SLC6A2: variants seen among roughly 807,000 people sequenced by gnomAD.
The protein encoded by SLC6A2 is sodium-dependent noradrenaline transporter.
In SLC6A2, 26 loss-of-function variants were observed where a neutral mutation model predicts 71.7. The ratio of observed to expected loss-of-function variants is 0.36; its 90% CI spans 0.27 to 0.50. The LOEUF is 0.50. SLC6A2 is among the 20% of genes least tolerant of loss of function. SLC6A2 has a pLI of 0.96. For synonymous variants in SLC6A2, 363 were observed against 337.9 expected, an observed-to-expected ratio of 1.07 and a Z score of -0.82; for missense variants, 581 against 803.9, an observed-to-expected ratio of 0.72 and a Z score of 3.35.
chr16:55,669,176 T>C (rs1247435784), intron 2 of SLC6A2, among the ~76,000 whole-genome samples: 2 of 152,194 alleles, frequency 1.3e-5, no homozygotes, highest in Non-Finnish European at 2.9e-5. Flanking sequence ...TTGGGTTAGA[T>C]TGGCATTCCC....
chr16:55,695,015 T>C (rs1329846455), intron 7 of SLC6A2, among the ~76,000 whole-genome samples: 1 of 152,104 alleles, frequency 6.6e-6, no homozygotes, highest in Non-Finnish European at 1.5e-5. Flanking sequence ...GGAGCAGCCA[T>C]GGAAGGTTTG....
At chr16:55,694,281 C>G (rs1218644411) in intron 7 of SLC6A2, among the ~76,000 whole-genome samples, 168 bp downstream of exon 7, 5 of 152,098 alleles carry the variant, frequency 3.3e-5, no homozygotes, top group Non-Finnish European at 7.4e-5. Context: ...CTCTGAGGGT[C>G]CTGATGACCA....
rs13334495 is a variant in SLC6A2 at position 55,692,834 on chromosome 16, C to T, written c.918+782C>T. Among the ~76,000 whole-genome samples the T allele has an allele frequency of 9.8e-3, 1,491 of 152,282 alleles. 24 individuals carry two copies. Among genetic ancestry groups the T allele is most frequent in the African/African-American group, 0.034 (1,420 of 41,558 alleles). ...AATATACATCTCCATAGTTGTAATG[C>T]TCCAACACACTGCAATGTTATAGAC... On this transcript the variant is annotated intron_variant, in intron 6 of 14. Transcript: ENST00000568943.
chr16:55,694,157 A>T (rs777623281), intron 7 of SLC6A2, 44 bp downstream of exon 7: 1 of 1,359,680 alleles, frequency 7.4e-7, no homozygotes, highest in South Asian at 1.2e-5. Context: ...AATCCTGGGG[A>T]TTGACTCTTG....
At position 55,696,337 on chromosome 16, in the gene SLC6A2, A is replaced by G. The variant is rs762381614; in HGVS notation, c.1260A>G (p.Ser420=). The part of the protein sequence containing the change: ...VMLLALGLDS[S]MGGMEAVITG... ...TCCTGGCGCTGGGCCTTGACAGCTCAGTGAGTGACCCTGCTTAGGATACCT... is the reference window on the plus strand; with the variant it reads ...TCCTGGCGCTGGGCCTTGACAGCTCGGTGAGTGACCCTGCTTAGGATACCT... Residue 420 remains serine, a splice_region_variant and synonymous_variant, in exon 9 of 15, where the codon TCA becomes TCG. Transcript: ENST00000568943. The G allele has an allele frequency of 6.3e-7, 1 of 1,575,320 alleles. No homozygotes were observed. Among genetic ancestry groups the G allele is most frequent in the South Asian group, 1.1e-5 (1 of 90,282 alleles).
In SLC6A2 at chr16:55,705,528, G is replaced by A. The variant is rs1271362586; in HGVS notation, c.*3182G>A. 1 of 394,204 alleles carries A rather than the reference G, an allele frequency of 2.5e-6. No individual in the cohort carries two copies. The highest frequency in any genetic ancestry group is 7.5e-5 in the South Asian group (1 of 13,334). The allele number at this position is 394,204 out of a possible 1,614,324, so 24.4% of individuals were successfully genotyped here. A position where few individuals can be genotyped will look rare whatever the true frequency, so the allele number is the denominator to read the frequency against. On this transcript the variant is annotated 3_prime_UTR_variant, in exon 15 of 15. Transcript: ENST00000568943. ...GCACAGCATATAGTTTTACAGACTT[G>A]GGTCTGCAGCTGACTAGCTGGGTGG...
intron 5 of SLC6A2, 137 bp from the exon 6 acceptor site, chr16:55,691,781 C>A: frequency 1.0e-6 from 1 of 1,004,924 alleles, no homozygotes; most frequent in Non-Finnish European, 1.5e-6. Flanking sequence ...AGAGCTGGAA[C>A]TTGTAGCATG....
In SLC6A2 at chr16:55,700,249, C is replaced by T. The variant is rs376748012; in HGVS notation, c.1701C>T (p.Val567=). Residue 567 remains valine, a synonymous_variant, in exon 13 of 15, where the codon GTC becomes GTT. Transcript: ENST00000568943. ...VGWGIALSSM[V]LVPIYVIYKF... ...GGGGCATCGCCCTGTCCTCCATGGT[C>T]CTGGTGCCCATCTACGTCATCTATA... The T allele has an allele frequency of 1.9e-5, 30 of 1,613,984 alleles. No homozygotes were observed. The highest frequency in any genetic ancestry group is 3.3e-5 in the Admixed American group (2 of 60,002).
intron 2 of SLC6A2, among the ~76,000 whole-genome samples, chr16:55,662,719 A>T (rs1964642386): frequency 6.6e-6 from 1 of 152,194 alleles, no homozygotes; most frequent in African/African-American, 2.4e-5. Context: ...CCACATGAGG[A>T]GGGGTAGCCC....
intron 4 of SLC6A2, among the ~76,000 whole-genome samples, chr16:55,684,300 C>A (rs78919662): frequency 2.7e-3 from 365 of 132,878 alleles, no homozygotes; most frequent in South Asian, 3.6e-3. Flanking sequence ...GAGCCTGTCT[C>A]AAAAAAAAAA....
At chr16:55,701,095 C>T (rs975970966) in intron 13 of SLC6A2, among the ~76,000 whole-genome samples, 5 of 152,080 alleles carry the variant, frequency 3.3e-5, no homozygotes, top group East Asian at 1.9e-4. Flanking sequence ...GGGTAGTATT[C>T]GAGGCACTAG....
At chr16:55,671,517 G>A (rs1160403996) in intron 3 of SLC6A2, among the ~76,000 whole-genome samples, 1 of 152,172 alleles carries the variant, frequency 6.6e-6, no homozygotes, top group Non-Finnish European at 1.5e-5. Context: ...CACAGCAGGA[G>A]GTGAGCAGCG....
At position 55,698,431 on chromosome 16, in the gene SLC6A2, CAA is replaced by C. The variant is rs772701507; in HGVS notation, c.1390-36_1390-35del. 1.6e-5 allele frequency: 23 copies of C among 1,434,596 alleles called. No homozygotes were observed. In the South Asian group the frequency reaches 2.6e-4, roughly 16 times the overall value. The allele number at this position is 1,434,596 out of a possible 1,614,324, so 88.9% of individuals were successfully genotyped here. On this transcript the variant is annotated intron_variant, in intron 10 of 14. Transcript: ENST00000568943. Reference sequence around the variant, plus strand: ...ACAACAATCAGTTCCCACGTTTGACCAAAGAGGGCCTCTTGGCTTCTTCTCTC... The same window carrying C: ...ACAACAATCAGTTCCCACGTTTGACCAGAGGGCCTCTTGGCTTCTTCTCTC...
In SLC6A2 at chr16:55,671,599, G is replaced by C. The variant is rs1964916636; in HGVS notation, c.407-339G>C. ...CATGACCGCCTGAGCTCCGCCTCCT[G>C]TCAGATCAGCCGCTGCACTAGATTC... On this transcript the variant is annotated intron_variant, in intron 3 of 14. Transcript: ENST00000568943. 3 of 501,466 alleles carry C rather than the reference G, an allele frequency of 6.0e-6. No individual in the cohort carries two copies. The South Asian group carries it at 1.2e-4, about 21-fold the overall frequency. 31.1% of individuals were successfully genotyped at this position (501,466 alleles called of 1,614,324 possible).
At chr16:55,683,026 A>G (rs547794420) in intron 4 of SLC6A2, among the ~76,000 whole-genome samples, 29 of 152,326 alleles carry the variant, frequency 1.9e-4, no homozygotes, top group African/African-American at 6.7e-4. Context: ...CTTCAGTGAC[A>G]AATGAACGAT....
In SLC6A2 at chr16:55,695,400, A is replaced by C; in HGVS notation, c.1145A>C (p.Glu382Ala). 6.2e-7 allele frequency: 1 copy of C among 1,614,170 alleles called. No individual in the cohort carries two copies. The highest frequency in any genetic ancestry group is 1.7e-5 in the Admixed American group (1 of 60,028). Residue 382 changes from glutamate (E) to alanine (A), a missense_variant and splice_region_variant, in exon 8 of 15, where the codon GAA becomes GCA. Glu to Ala is a moderately radical substitution (Grantham distance 107, BLOSUM62 -1). Transcript: ENST00000568943. ...HKVNIEDVAT[E>A]GAGLVFILYP... ...GTCAACATTGAGGATGTGGCCACAG[A>C]AGGTGGGTGGGCAGCCCACCTGGGC...
intron 6 of SLC6A2, among the ~76,000 whole-genome samples, chr16:55,693,368 T>TA (rs11473083): frequency 0.49 from 73,451 of 149,582 alleles, 18,228 homozygotes; most frequent in Middle Eastern, 0.57. Flanking sequence ...AGACCCTGCT[T>TA]AAAAAAAAAA....
intron 5 of SLC6A2, among the ~76,000 whole-genome samples, chr16:55,691,027 T>C (rs1965601297): frequency 6.6e-6 from 1 of 152,040 alleles, no homozygotes; most frequent in African/African-American, 2.4e-5. Context: ...TAAAGAATGG[T>C]CAGAGGTTCT....
Position 55,698,487 on chromosome 16 carries a change from AC to A in SLC6A2, c.1411del (p.Leu471SerfsTer38). On this transcript the variant is annotated frameshift_variant, in exon 11 of 15. Transcript: ENST00000568943. LOFTEE classifies it high-confidence loss of function. ...GTGCCAGGGTGGAATTTACGTCTTGACCCTCCTGGACACCTTTGCTGCGGGC... is the reference window on the plus strand; with the variant it reads ...GTGCCAGGGTGGAATTTACGTCTTGACCTCCTGGACACCTTTGCTGCGGGC... ...CITKGGIYVL[T>X]LLDTFAAGTS... 1 of 1,613,490 alleles carries A rather than the reference AC, an allele frequency of 6.2e-7. No homozygotes were observed. The highest frequency in any genetic ancestry group is 8.5e-7 in the Non-Finnish European group (1 of 1,179,714).
Sources: gnomAD v4.1 joint callset for allele counts (sites outside exome capture counted in the v4.1 genomes callset) on GRCh38, gnomAD v4.1.1 for gene constraint, MANE v1.5 for transcripts, NCBI Gene and HGNC (gene_info 2026-07-23, HGNC 2026-07-21) for gene names.